The following SLC22A25 variants were observed in gnomAD, a reference collection of about 807,000 sequenced individuals.
SLC22A25 encodes the protein solute carrier family 22 member 25, also known as MGI:2442751, MGI:2385316, MGI:3042283, MGI:3645714, MGI:3605624, MGI:2442750.
SLC22A25 carries 44 observed loss-of-function variants against 45.9 expected under a neutral mutation model. The observed-to-expected ratio is 0.96, with a 90% CI of 0.75 to 1.23. The LOEUF is 1.23. Among genes scored for constraint, SLC22A25 ranks in the 50% most tolerant of loss-of-function variants. The pLI, the probability that SLC22A25 is intolerant of heterozygous loss-of-function variation, is 0.00. For synonymous variants in SLC22A25, 283 were observed against 238.6 expected (o/e 1.19, Z -1.72); for missense variants, 800 against 666.4 (o/e 1.20, Z -2.21).
intron 3 of SLC22A25, among the ~76,000 whole-genome samples, chr11:63,231,110 T>C (rs1019529657): frequency 6.6e-6 from 1 of 152,206 alleles, no homozygotes; most frequent in Non-Finnish European, 1.5e-5. Flanking sequence ...ACAATAAACA[T>C]ACATGTGCAT....
chr11:63,177,481 T>C (rs78270121), intron 9 of SLC22A25, among the ~76,000 whole-genome samples: 2,181 of 152,030 alleles, frequency 0.014, 50 homozygotes, highest in African/African-American at 0.038. Context: ...AACTATTGTT[T>C]TACTGAAAAC....
chr11:63,176,425 C>G (rs2088091773), intron 9 of SLC22A25, among the ~76,000 whole-genome samples: 1 of 151,820 alleles, frequency 6.6e-6, no homozygotes, highest in African/African-American at 2.4e-5. Flanking sequence ...TCTTTTGCCT[C>G]CTTGGTTAAG....
chr11:63,206,802 C>T (rs753943571), intron 7 of SLC22A25, among the ~76,000 whole-genome samples: 15 of 152,230 alleles, frequency 9.9e-5, no homozygotes, highest in South Asian at 4.2e-4. Context: ...TATGGAACTA[C>T]AAAAGAGCCT....
intron 5 of SLC22A25, among the ~76,000 whole-genome samples, chr11:63,225,400 A>G (rs1012567965): frequency 2.0e-5 from 3 of 152,190 alleles, no homozygotes; most frequent in Non-Finnish European, 4.4e-5. Flanking sequence ...TGCCAAATAT[A>G]GTATTATAGG....
At chr11:63,185,738 C>A (rs181314440) in intron 7 of SLC22A25, among the ~76,000 whole-genome samples, 1 of 141,154 alleles carries the variant, frequency 7.1e-6, no homozygotes, top group East Asian at 2.2e-4. Context: ...ATTCCCCTTC[C>A]TGTGTCCCTG....
At chr11:63,205,362 A>G (rs185374053) in intron 7 of SLC22A25, among the ~76,000 whole-genome samples, 1 of 152,276 alleles carries the variant, frequency 6.6e-6, no homozygotes, top group East Asian at 1.9e-4. Context: ...AAATCAATGA[A>G]TCCAGCAGCT....
At chr11:63,240,237 G>A (rs977957484) in intron 1 of SLC22A25, among the ~76,000 whole-genome samples, 3 of 152,202 alleles carry the variant, frequency 2.0e-5, no homozygotes, top group Non-Finnish European at 2.9e-5. Context: ...GTTTTGCCAA[G>A]CATGGATCTT....
chr11:63,212,772 T>C lies in SLC22A25; in HGVS notation c.830+4542A>G, dbSNP rs540854570. Among the ~76,000 whole-genome samples the C allele has an allele frequency of 3.3e-5, 5 of 151,698 alleles. No individual in the cohort carries two copies. The South Asian group carries it at 1.0e-3, about 32-fold the overall frequency. ...ACATATGTAACAAACCTTCACGTTG[T>C]GTACATGTACCCTAAAACTTAAAGT... On this transcript the variant is annotated intron_variant, in intron 7 of 11. Transcript: ENST00000306494.
intron 7 of SLC22A25, among the ~76,000 whole-genome samples, chr11:63,215,356 C>T (rs1412131300): frequency 6.6e-6 from 1 of 152,164 alleles, no homozygotes; most frequent in African/African-American, 2.4e-5. Context: ...ACCACATATT[C>T]TCACTCATAA....
At chr11:63,233,639 GTTCTGCTCTGATCTTAGTTATTTCTTGCC>G (rs1354990863) in intron 3 of SLC22A25, among the ~76,000 whole-genome samples, 15 of 152,060 alleles carry the variant, frequency 9.9e-5, no homozygotes, top group Non-Finnish European at 1.5e-4. Context: ...ATCTCCTTCA[GTTCTGCTCTGATCTTAGTTATTTCTTGCC>G]TTCTGCTAGG....
At chr11:63,192,958 C>T (rs1384922477) in intron 7 of SLC22A25, among the ~76,000 whole-genome samples, 1 of 152,136 alleles carries the variant, frequency 6.6e-6, no homozygotes, top group Non-Finnish European at 1.5e-5. Flanking sequence ...TATTCAGGAG[C>T]TGACATCAGC....
Position 63,229,936 on chromosome 11 carries a change from C to T in SLC22A25, c.-284G>A, listed in dbSNP as rs2090037721. The stretch of plus-strand genomic sequence containing the variant: ...CAATGAAATGTGTTTAAACATTAGA[C>T]ATCTACTTATTGATGTCTTTAGTAG... On this transcript the variant is annotated 5_prime_UTR_variant, in exon 4 of 12. An upstream start codon of the reference 5' UTR is lost. Coordinates refer to ENST00000306494, the MANE Select transcript of SLC22A25 (RefSeq NM_199352.6). Among the ~76,000 whole-genome samples, 1 of 152,152 alleles carries T rather than the reference C, an allele frequency of 6.6e-6. No individual in the cohort carries two copies. The highest frequency in any genetic ancestry group is 1.9e-4 in the East Asian group (1 of 5,196).
intron 9 of SLC22A25, among the ~76,000 whole-genome samples, chr11:63,173,965 A>T (rs548873052): frequency 6.7e-6 from 1 of 149,180 alleles, no homozygotes; most frequent in Non-Finnish European, 1.5e-5. Context: ...TTTTTGTTAC[A>T]TAGGTATACA....
Position 63,163,036 on chromosome 11 carries a change from T to C in SLC22A25, c.*788A>G, listed in dbSNP as rs1345348506. 1.3e-5 allele frequency among the ~76,000 whole-genome samples: 2 copies of C among 152,124 alleles called. No individual in the cohort carries two copies. The highest frequency in any genetic ancestry group is 1.9e-4 in the East Asian group (1 of 5,194). On this transcript the variant is annotated 3_prime_UTR_variant, in exon 12 of 12. Coordinates refer to ENST00000306494, the MANE Select transcript of SLC22A25 (RefSeq NM_199352.6). ...GAAAGACATGGACTAAACATATAAG[T>C]CCTGCATTCTTTAGGACATACTGAT...
At chr11:63,191,882 C>A (rs149862183) in intron 7 of SLC22A25, among the ~76,000 whole-genome samples, 7 of 152,148 alleles carry the variant, frequency 4.6e-5, no homozygotes, top group African/African-American at 1.7e-4. Context: ...AGAATGGAAC[C>A]AACTTGGAGA....
intron 8 of SLC22A25, among the ~76,000 whole-genome samples, chr11:63,181,320 C>A (rs1297430317): frequency 1.3e-5 from 2 of 151,800 alleles, no homozygotes; most frequent in Non-Finnish European, 2.9e-5. Flanking sequence ...TATACATGTG[C>A]CATGTTGGTG....
intron 9 of SLC22A25, among the ~76,000 whole-genome samples, chr11:63,178,273 A>C (rs1268584740): frequency 6.6e-6 from 1 of 152,104 alleles, no homozygotes. Flanking sequence ...ACTGCTGCAA[A>C]AAACATAGAA....
At chr11:63,233,083 G>C (rs549909855) in intron 3 of SLC22A25, among the ~76,000 whole-genome samples, 72 of 152,246 alleles carry the variant, frequency 4.7e-4, no homozygotes, top group Admixed American at 1.6e-3. Context: ...AAGGATATTG[G>C]TCTAAAATTC....
chr11:63,217,618 A>T lies in SLC22A25; in HGVS notation c.624T>A (p.Ala208=). 6.2e-7 allele frequency: 1 copy of T among 1,613,912 alleles called. No individual in the cohort carries two copies. The highest frequency in any genetic ancestry group is 8.5e-7 in the Non-Finnish European group (1 of 1,179,974). Residue 208 remains alanine (A), a synonymous_variant, in exon 6 of 12, where the codon GCT becomes GCA. Coordinates refer to ENST00000306494, the MANE Select transcript of SLC22A25 (RefSeq NM_199352.6). ...VYCSLRFLAG[A]ATFSIIVNTV... ...TATTTACAATGATGCTAAATGTAGC[A>T]GCCCCAGCCAAGAAGCGCAGGGAGC...
Sources: allele counts gnomAD v4.1 joint callset (sites outside exome capture counted in the v4.1 genomes callset), GRCh38; gene constraint gnomAD v4.1.1; transcripts MANE v1.5; gene names NCBI Gene and HGNC (gene_info 2026-07-23, HGNC 2026-07-21).